Variants in RORA observed in about 807,000 individuals in gnomAD.
RORA encodes the protein RAR related orphan receptor A.
RORA carries 7 observed loss-of-function variants against 69.5 expected under a neutral mutation model. That is an observed-to-expected ratio of 0.10 (90% CI 0.06 to 0.19). The LOEUF is 0.19. RORA is among the 10% of genes least tolerant of loss of function. The pLI is 1.00. For missense variants in RORA, 457 were observed against 663.0 expected (o/e 0.69, Z 3.41); for synonymous variants, 261 against 240.8 (o/e 1.08, Z -0.78).
At chr15:61,030,574 T>C (rs1051156030) in intron 1 of RORA, among the ~76,000 whole-genome samples, 2 of 152,138 alleles carry the variant, frequency 1.3e-5, no homozygotes, top group Admixed American at 1.3e-4. Flanking sequence ...CACAGGAAGT[T>C]TGAGAAGAAA....
intron 2 of RORA, among the ~76,000 whole-genome samples, chr15:60,647,050 C>G (rs1647978): frequency 0.028 from 4,298 of 152,302 alleles, 101 homozygotes; most frequent in African/African-American, 0.067. Flanking sequence ...TAGCTATTCT[C>G]ATTCCAAAAT....
At chr15:60,561,082 G>GTTTTTTTTTTTTTTTTTTT (rs571970599) in intron 2 of RORA, among the ~76,000 whole-genome samples, 1 of 122,052 alleles carries the variant, frequency 8.2e-6, no homozygotes, top group African/African-American at 3.1e-5. Context: ...TTTTGTTTTT[G>GTTTTTTTTTTTTTTTTTTT]TTTTTTTTTT....
At chr15:60,564,745 A>C (rs2067668475) in intron 2 of RORA, among the ~76,000 whole-genome samples, 1 of 152,062 alleles carries the variant, frequency 6.6e-6, no homozygotes, top group Non-Finnish European at 1.5e-5. Flanking sequence ...ATCTGAGAAA[A>C]CCCTAGATTA....
Position 60,543,170 on chromosome 15 carries a change from CTTTTTTTTTTTTTTTT to C in RORA, c.197-11335_197-11320del, listed in dbSNP as rs200401959. On this transcript the variant is annotated intron_variant, in intron 2 of 10. Transcript: ENST00000335670. ...TAGGAATTAAGGATGAAAGTGAAAA[CTTTTTTTTTTTTTTTT>C]TTTTTTTTTTTTTTTTTTTTTTTTT... is the stretch of plus-strand genomic sequence containing the variant. 7.8e-4 allele frequency among the ~76,000 whole-genome samples: 98 copies of C among 125,414 alleles called. 1 individual carries two copies. The highest frequency in any genetic ancestry group is 3.7e-3 in the African/African-American group (92 of 24,894). The allele number at this position is 125,414 out of a possible 152,430, so 82.3% of individuals were successfully genotyped here. A position where few individuals can be genotyped will look rare whatever the true frequency, so the allele number is the denominator to read the frequency against.
intron 1 of RORA, among the ~76,000 whole-genome samples, chr15:61,138,833 A>T (rs1430558710): frequency 6.6e-6 from 1 of 151,610 alleles, no homozygotes; most frequent in Non-Finnish European, 1.5e-5. Flanking sequence ...AAAATAAAAT[A>T]AAAAAATAAA....
chr15:60,740,165 G>C (rs563365783), intron 1 of RORA, among the ~76,000 whole-genome samples: 55 of 152,068 alleles, frequency 3.6e-4, no homozygotes, highest in Middle Eastern at 6.8e-3. Flanking sequence ...GGCAACAAAG[G>C]CCTCTGAATT....
At chr15:60,699,293 CTTT>C (rs1005454134) in intron 1 of RORA, among the ~76,000 whole-genome samples, 15 of 151,924 alleles carry the variant, frequency 9.9e-5, no homozygotes, top group Non-Finnish European at 5.9e-5. Flanking sequence ...TATGATTTTA[CTTT>C]TTATGTTTAA....
At chr15:60,762,021 C>G (rs2071901572) in intron 1 of RORA, among the ~76,000 whole-genome samples, 1 of 151,986 alleles carries the variant, frequency 6.6e-6, no homozygotes, top group Non-Finnish European at 1.5e-5. Context: ...AGAATTTTAT[C>G]TTTAAAAACC....
intron 1 of RORA, among the ~76,000 whole-genome samples, chr15:61,188,399 T>C (rs1269932934): frequency 6.6e-6 from 1 of 152,156 alleles, no homozygotes; most frequent in Non-Finnish European, 1.5e-5. Flanking sequence ...CAACGGGGCC[T>C]AGTTTGCTGA....
chr15:61,002,849 G>T (rs989909191), intron 1 of RORA, among the ~76,000 whole-genome samples: 1 of 151,968 alleles, frequency 6.6e-6, no homozygotes, highest in African/African-American at 2.4e-5. Flanking sequence ...CAAGGACATA[G>T]GGCCGGGCAT....
In RORA at chr15:60,583,188, C is replaced by A. The variant is rs1009791354; in HGVS notation, c.197-51337G>T. Among the ~76,000 whole-genome samples the A allele has an allele frequency of 4.5e-4, 68 of 152,188 alleles. 4 individuals are homozygous for A. On this transcript the variant is annotated intron_variant, in intron 2 of 10. Coordinates refer to ENST00000335670, the MANE Select transcript of RORA (RefSeq NM_134261.3). ...CCAGAGGAAGTCTACTTTCATCTATCCCACCAGACTAGAATCTAAGCTGCA... is the reference window on the plus strand; with the variant it reads ...CCAGAGGAAGTCTACTTTCATCTATACCACCAGACTAGAATCTAAGCTGCA...
At chr15:60,802,950 T>TC (rs745711494) in intron 1 of RORA, among the ~76,000 whole-genome samples, 1 of 144,010 alleles carries the variant, frequency 6.9e-6, no homozygotes, top group Non-Finnish European at 1.5e-5. Context: ...ATGTTTTGTT[T>TC]CTTTTTTAAA....
intron 2 of RORA, among the ~76,000 whole-genome samples, chr15:60,561,071 G>GTTTTTTTTTTGTTTTTTTTT (rs1327292946): frequency 9.0e-6 from 1 of 110,498 alleles, no homozygotes; most frequent in African/African-American, 4.7e-5. Flanking sequence ...TTTTTTTTTT[G>GTTTTTTTTTTGTTTTTTTTT]TTTTGTTTTT....
At chr15:60,535,857 G>A (rs983418304) in intron 2 of RORA, among the ~76,000 whole-genome samples, 1 of 152,102 alleles carries the variant, frequency 6.6e-6, no homozygotes, top group Non-Finnish European at 1.5e-5. Context: ...ACCCTATGCG[G>A]TAGGCATCAC....
intron 1 of RORA, among the ~76,000 whole-genome samples, chr15:61,063,823 T>C (rs2078219978): frequency 1.3e-5 from 2 of 152,220 alleles, no homozygotes; most frequent in African/African-American, 4.8e-5. Context: ...TCAGGTTTCC[T>C]GTGAAAATGG....
At chr15:61,190,200 T>C (rs2079784298) in intron 1 of RORA, among the ~76,000 whole-genome samples, 1 of 152,068 alleles carries the variant, frequency 6.6e-6, no homozygotes, top group Non-Finnish European at 1.5e-5. Context: ...AATCAGTGTG[T>C]CTTGCTGTAA....
chr15:60,629,773 A>G (rs899925185), intron 2 of RORA, among the ~76,000 whole-genome samples: 1 of 152,206 alleles, frequency 6.6e-6, no homozygotes, highest in Admixed American at 6.5e-5. Flanking sequence ...GTGATTTTCC[A>G]TCTTGGAAAG....
intron 1 of RORA, among the ~76,000 whole-genome samples, chr15:60,721,261 A>C (rs1256742033): frequency 6.6e-6 from 1 of 152,232 alleles, no homozygotes; most frequent in African/African-American, 2.4e-5. Flanking sequence ...CGGGGAGAGC[A>C]GTCCAAATTA....
chr15:61,207,428 T>C (rs1206944727), intron 1 of RORA, among the ~76,000 whole-genome samples: 1 of 152,228 alleles, frequency 6.6e-6, no homozygotes, highest in African/African-American at 2.4e-5. Flanking sequence ...TCCAGAATAC[T>C]GACTTGCTAC....
Sources: gnomAD v4.1 joint callset for allele counts (sites outside exome capture counted in the v4.1 genomes callset) on GRCh38, gnomAD v4.1.1 for gene constraint, MANE v1.5 for transcripts, NCBI Gene and HGNC (gene_info 2026-07-23, HGNC 2026-07-21) for gene names.